Variants in ENDOD1 observed in about 807,000 individuals in gnomAD.
ENDOD1 encodes endonuclease domain-containing 1 protein.
Under a neutral mutation model 6.5 loss-of-function variants are expected in ENDOD1, and 9 were observed. The observed-to-expected ratio is 1.39, with a 90% CI of 0.84 to 2.43. The LOEUF (loss-of-function observed/expected upper bound fraction) is 2.43, where lower values mean the gene tolerates loss of function less well. ENDOD1 is among the 30% of genes most tolerant of loss of function. The probability of loss-of-function intolerance (pLI) is 0.00; values close to 1 mark genes in which losing one functional copy is unlikely to be tolerated. For synonymous variants in ENDOD1, 255 were observed against 255.2 expected (o/e 1.00, Z 0.01); for missense variants, 648 against 635.5 (o/e 1.02, Z -0.21).
At chr11:95,128,289 A>T in intron 1 of ENDOD1, 88 bp from the exon 2 acceptor site, 1 of 1,464,466 alleles carries the variant, frequency 6.8e-7, no homozygotes. Context: ...ACCAGTGGGG[A>T]CTTCTCCAGA....
In ENDOD1 at chr11:95,131,259, C is replaced by T. The variant is rs1859368148; in HGVS notation, c.*1680C>T. Reference sequence around the variant, plus strand: ...AACTTAAAGCAGTATTTTACCAACTCTTGTCTTAGGGAGCATAAAGTTTGG... The same window carrying T: ...AACTTAAAGCAGTATTTTACCAACTTTTGTCTTAGGGAGCATAAAGTTTGG... On this transcript the variant is annotated 3_prime_UTR_variant, in exon 2 of 2. Coordinates refer to ENST00000278505, the MANE Select transcript of ENDOD1 (RefSeq NM_015036.3). 6.6e-6 allele frequency: 1 copy of T among 152,218 alleles called. No individual in the cohort carries two copies. The highest frequency in any genetic ancestry group is 2.4e-5 in the African/African-American group (1 of 41,440). The allele number at this position is 152,218 out of a possible 1,614,324, so 9.4% of individuals were successfully genotyped here.
intron 1 of ENDOD1, among the ~76,000 whole-genome samples, chr11:95,126,982 G>A (rs1431312877): frequency 6.6e-6 from 1 of 152,092 alleles, no homozygotes; most frequent in African/African-American, 2.4e-5. Flanking sequence ...CACCATGCCT[G>A]GCCATAATGG....
intron 1 of ENDOD1, 48 bp from the exon 2 acceptor site, chr11:95,128,329 C>T: frequency 6.3e-7 from 1 of 1,575,102 alleles, no homozygotes; most frequent in Non-Finnish European, 8.6e-7. Context: ...AGTGCTGCCT[C>T]TGTGCTGTAA....
chr11:95,093,532 A>G (rs1034911766), intron 1 of ENDOD1, among the ~76,000 whole-genome samples: 17 of 152,118 alleles, frequency 1.1e-4, no homozygotes, highest in African/African-American at 3.4e-4. Context: ...CATACTTACC[A>G]TGTTGTTTTG....
At chr11:95,104,721 C>A (rs1266218571) in intron 1 of ENDOD1, among the ~76,000 whole-genome samples, 1 of 152,206 alleles carries the variant, frequency 6.6e-6, no homozygotes, top group African/African-American at 2.4e-5. Context: ...AAAAGAGATA[C>A]ACACTGAGCT....
chr11:95,116,404 T>A (rs1859209319), intron 1 of ENDOD1, among the ~76,000 whole-genome samples: 1 of 152,176 alleles, frequency 6.6e-6, no homozygotes, highest in Non-Finnish European at 1.5e-5. Flanking sequence ...TTGCTCTGGC[T>A]ACTAAGTCAG....
chr11:95,096,736 A>C (rs975636705), intron 1 of ENDOD1, among the ~76,000 whole-genome samples: 11 of 152,334 alleles, frequency 7.2e-5, no homozygotes, highest in African/African-American at 2.6e-4. Flanking sequence ...TTAGTCAACA[A>C]ATCTTTATTG....
At chr11:95,106,558 T>C (rs1555111414) in intron 1 of ENDOD1, among the ~76,000 whole-genome samples, 1 of 152,152 alleles carries the variant, frequency 6.6e-6, no homozygotes, top group Non-Finnish European at 1.5e-5. Flanking sequence ...GGAATATGCA[T>C]AGCAAAAGTA....
chr11:95,096,227 C>CAT (rs1858982270), intron 1 of ENDOD1, among the ~76,000 whole-genome samples: 1 of 49,964 alleles, frequency 2.0e-5, no homozygotes, highest in African/African-American at 8.3e-5. Context: ...GTCAAGAAAG[C>CAT]TTTTTTTTTT....
intron 1 of ENDOD1, among the ~76,000 whole-genome samples, chr11:95,110,126 C>T (rs1283233308): frequency 1.3e-5 from 2 of 152,234 alleles, no homozygotes; most frequent in South Asian, 2.1e-4. Flanking sequence ...TGGTGGCCTT[C>T]GGAGGCTAAA....
At chr11:95,111,715 T>C (rs1249581705) in intron 1 of ENDOD1, among the ~76,000 whole-genome samples, 1 of 152,132 alleles carries the variant, frequency 6.6e-6, no homozygotes, top group Non-Finnish European at 1.5e-5. Flanking sequence ...GCTGTAAATA[T>C]AGATGAAACT....
intron 1 of ENDOD1, among the ~76,000 whole-genome samples, chr11:95,121,165 A>G (rs1369432997): frequency 6.6e-6 from 1 of 152,150 alleles, no homozygotes; most frequent in Non-Finnish European, 1.5e-5. Flanking sequence ...GGTTCTTATG[A>G]AGGTAGTTTT....
chr11:95,099,154 G>A (rs1186520095), intron 1 of ENDOD1, among the ~76,000 whole-genome samples: 2 of 152,100 alleles, frequency 1.3e-5, no homozygotes, highest in Admixed American at 1.3e-4. Flanking sequence ...GATCCATCTT[G>A]AGCTCTTCCT....
At chr11:95,112,525 G>A (rs1433753790) in intron 1 of ENDOD1, among the ~76,000 whole-genome samples, 3 of 152,216 alleles carry the variant, frequency 2.0e-5, no homozygotes, top group Admixed American at 2.0e-4. Context: ...ATTTTCGTCT[G>A]ATCCCCTGCT....
At chr11:95,095,806 C>T (rs1380089118) in intron 1 of ENDOD1, among the ~76,000 whole-genome samples, 1 of 152,174 alleles carries the variant, frequency 6.6e-6, no homozygotes, top group African/African-American at 2.4e-5. Flanking sequence ...GATGGCAAAA[C>T]CTGGACAGGA....
chr11:95,107,899 C>T (rs1205397244), intron 1 of ENDOD1, among the ~76,000 whole-genome samples: 2 of 151,962 alleles, frequency 1.3e-5, no homozygotes, highest in Non-Finnish European at 2.9e-5. Flanking sequence ...GATCTCCTGA[C>T]CTCGTGATCC....
At chr11:95,106,801 C>T (rs1859093144) in intron 1 of ENDOD1, among the ~76,000 whole-genome samples, 1 of 148,418 alleles carries the variant, frequency 6.7e-6, no homozygotes, top group Non-Finnish European at 1.5e-5. Flanking sequence ...ATTTGTTTTT[C>T]AGCGTGAGGT....
At position 95,132,645 on chromosome 11, in the gene ENDOD1, A is replaced by G. The variant is rs746490820; in HGVS notation, c.*3066A>G. 16 of 152,184 alleles carry G rather than the reference A, an allele frequency of 1.1e-4. No homozygotes were observed. The highest frequency in any genetic ancestry group is 2.4e-4 in the Non-Finnish European group (16 of 68,036). 9.4% of individuals were successfully genotyped at this position (152,184 alleles called of 1,614,324 possible). On this transcript the variant is annotated 3_prime_UTR_variant, in exon 2 of 2. Coordinates refer to ENST00000278505, the MANE Select transcript of ENDOD1 (RefSeq NM_015036.3). Reference sequence around the variant, plus strand: ...ATGCTCAATAAAGTAATTACTGACAACTCGTTAGCAGTTCTGTAAAATATC... The same window carrying G: ...ATGCTCAATAAAGTAATTACTGACAGCTCGTTAGCAGTTCTGTAAAATATC...
At chr11:95,097,790 AG>A (rs1859001043) in intron 1 of ENDOD1, among the ~76,000 whole-genome samples, 1 of 152,198 alleles carries the variant, frequency 6.6e-6, no homozygotes, top group Admixed American at 6.5e-5. Flanking sequence ...CTTTGGAGTG[AG>A]AGAAAGGGAA....
Sources: allele counts gnomAD v4.1 joint callset (sites outside exome capture counted in the v4.1 genomes callset), GRCh38; gene constraint gnomAD v4.1.1; transcripts MANE v1.5; gene names NCBI Gene and HGNC (gene_info 2026-07-23, HGNC 2026-07-21).